Variants in MMEL1 observed in about 807,000 individuals in gnomAD.
MMEL1 encodes membrane metalloendopeptidase like 1, also known as membrane metallo-endopeptidase-like 1.
MMEL1 carries 98 observed loss-of-function variants against 117.1 expected under a neutral mutation model. The observed-to-expected ratio is 0.84, with a 90% confidence interval of 0.71 to 0.99. The LOEUF (loss-of-function observed/expected upper bound fraction) is 0.99. Among genes scored for constraint, MMEL1 ranks in the 50% least tolerant of loss-of-function variants. The pLI is 0.00. For synonymous variants in MMEL1, 390 were observed against 415.1 expected, an observed-to-expected ratio of 0.94 and a Z score of 0.74; for missense variants, 1,014 against 1,049.1, an observed-to-expected ratio of 0.97 and a Z score of 0.46.
At position 2,611,993 on chromosome 1, in the gene MMEL1, C is replaced by T. The variant is rs1230193805; in HGVS notation, c.232+134G>A. ...CCCAGCTGAGGTCCCTGCCACTGTC[C>T]TCTCCCCATGGCCCTCCTCCGGCAC... On this transcript the variant is annotated intron_variant, in intron 3 of 23. Coordinates refer to ENST00000378412, the MANE Select transcript of MMEL1 (RefSeq NM_033467.4). The T allele has an allele frequency of 7.8e-6, 6 of 773,352 alleles. No homozygotes were observed. In the East Asian group the frequency reaches 1.3e-4, roughly 17 times the overall value. The allele number at this position is 773,352 out of a possible 1,614,324, so 47.9% of individuals were successfully genotyped here. A position where few individuals can be genotyped will look rare whatever the true frequency, so the allele number is the denominator to read the frequency against.
intron 1 of MMEL1, among the ~76,000 whole-genome samples, chr1:2,632,294 A>AG (rs1306729096): frequency 1.3e-5 from 2 of 152,208 alleles, no homozygotes; most frequent in Non-Finnish European, 2.9e-5. Flanking sequence ...CTCCACGGGC[A>AG]GGGGCACCCT....
At chr1:2,603,816 G>T in intron 11 of MMEL1, 68 bp downstream of exon 11, 1 of 1,443,268 alleles carries the variant, frequency 6.9e-7, no homozygotes, top group Non-Finnish European at 9.6e-7. Flanking sequence ...CCTCTCAGAG[G>T]GCCGCTTCCA....
chr1:2,591,995 C>T lies in MMEL1; in HGVS notation c.2100G>A (p.Lys700=). Residue 700 remains lysine, a synonymous_variant, in exon 22 of 24, where the codon AAG becomes AAA. Transcript: ENST00000378412. ...AYLKWMAEGG[K]DQQLPGLDLT... is the part of the protein sequence containing the mutation. ...GATCCAGGCCGGGCAGCTGCTGGTC[C>T]TTGCCACCCTCTGCCATCCACTTGA... is the stretch of plus-strand genomic sequence containing the variant. The T allele has an allele frequency of 6.2e-7, 1 of 1,613,304 alleles. No homozygotes were observed. The highest frequency in any genetic ancestry group is 8.5e-7 in the Non-Finnish European group (1 of 1,179,840).
In MMEL1 at chr1:2,595,180, A is replaced by C; in HGVS notation, c.1584+96T>G. 1 of 1,122,826 alleles carries C rather than the reference A, an allele frequency of 8.9e-7. No individual in the cohort carries two copies. Among genetic ancestry groups the C allele is most frequent in the Non-Finnish European group, 1.3e-6 (1 of 763,952 alleles). The allele number at this position is 1,122,826 out of a possible 1,614,324, so 69.6% of individuals were successfully genotyped here. A position where few individuals can be genotyped will look rare whatever the true frequency, so the allele number is the denominator to read the frequency against. On this transcript the variant is annotated intron_variant, in intron 16 of 23. Transcript: ENST00000378412. The surrounding 1 kb of genome is among the most constrained non-coding windows in gnomAD (Gnocchi z 4.8). ...GAGGACAGCTGTGTTAGCGCCTGGG[A>C]GGAGGGCACAGAGCTTGGCACAGAG...
At chr1:2,616,367 A>C (rs1645200512) in intron 2 of MMEL1, among the ~76,000 whole-genome samples, 1 of 150,828 alleles carries the variant, frequency 6.6e-6, no homozygotes, top group African/African-American at 2.4e-5. Context: ...AAAAGCAGAC[A>C]AAAAAAGACA....
At chr1:2,592,753 G>C in intron 20 of MMEL1, 33 bp from the exon 21 acceptor site, 1 of 1,610,000 alleles carries the variant, frequency 6.2e-7, no homozygotes, top group Non-Finnish European at 8.5e-7. Context: ...GGGCAGCCCC[G>C]GCCCTGACTT....
At chr1:2,591,121 T>C (rs371507024) in intron 23 of MMEL1, 32 bp from the exon 24 acceptor site, 202 of 1,470,368 alleles carry the variant, frequency 1.4e-4, no homozygotes, top group Non-Finnish European at 1.5e-4. Flanking sequence ...AGCAGGAGCA[T>C]TGCCATCTTG....
intron 13 of MMEL1, among the ~76,000 whole-genome samples, chr1:2,597,476 C>T (rs1267660160): frequency 1.3e-5 from 2 of 152,104 alleles, no homozygotes; most frequent in Admixed American, 6.5e-5. Flanking sequence ...GCCCCTATAC[C>T]CAATCCCTCA....
intron 19 of MMEL1, 85 bp from the exon 20 acceptor site, chr1:2,593,051 C>T (rs900654338): frequency 5.5e-5 from 84 of 1,522,752 alleles, no homozygotes; most frequent in Non-Finnish European, 7.2e-5. Flanking sequence ...CTGGCCGCTC[C>T]TGCCCCTCCT....
intron 4 of MMEL1, 129 bp downstream of exon 4, chr1:2,611,136 GCGAGTCCGAGTCCGGC>G: frequency 6.5e-6 from 5 of 764,130 alleles, no homozygotes; most frequent in Non-Finnish European, 1.0e-5. Context: ...CCGCTCCACA[GCGAGTCCGAGTCCGGC>G]CCACCCGGCT....
In MMEL1 at chr1:2,598,281, C is replaced by G. The variant is rs1159690192; in HGVS notation, c.1198G>C (p.Val400Leu). The change falls in exon 13 of 24, where the codon GTC becomes CTC. Residue 400 changes from valine to leucine, a missense_variant. Coordinates refer to ENST00000378412, the MANE Select transcript of MMEL1 (RefSeq NM_033467.4). Reference sequence around the variant, plus strand: ...ATGCGGTCCAGCACCAGGCGCCAGACCAGGTAGTTCTGTATGGTCCTGGGG... The same window carrying G: ...ATGCGGTCCAGCACCAGGCGCCAGAGCAGGTAGTTCTGTATGGTCCTGGGG... ...YSARTIQNYL[V>L]WRLVLDRIGS... 6.2e-7 allele frequency: 1 copy of G among 1,614,076 alleles called. No individual in the cohort carries two copies. The highest frequency in any genetic ancestry group is 8.5e-7 in the Non-Finnish European group (1 of 1,179,998).
intron 18 of MMEL1, 72 bp downstream of exon 18, chr1:2,594,313 A>AG: frequency 1.4e-6 from 2 of 1,448,470 alleles, no homozygotes; most frequent in Non-Finnish European, 1.9e-6. Flanking sequence ...AGGGATGGGC[A>AG]GGGGGCTGCA....
intron 6 of MMEL1, among the ~76,000 whole-genome samples, chr1:2,608,483 GCA>G (rs1157347467): frequency 2.0e-5 from 3 of 151,354 alleles, no homozygotes; most frequent in Non-Finnish European, 4.4e-5. Flanking sequence ...CACACATACA[GCA>G]CACACATAAC....
At chr1:2,632,154 G>T (rs1638622635) in intron 1 of MMEL1, among the ~76,000 whole-genome samples, 1 of 151,468 alleles carries the variant, frequency 6.6e-6, no homozygotes, top group South Asian at 2.1e-4. Flanking sequence ...TCCCAGTGGG[G>T]CCTTCCTTGG....
chr1:2,609,515 GC>G (rs987430983), intron 5 of MMEL1, 96 bp from the exon 6 acceptor site: 10 of 1,509,734 alleles, frequency 6.6e-6, no homozygotes, highest in African/African-American at 4.1e-5. Context: ...GCGAGAGGCG[GC>G]CCCCCAGCTG....
chr1:2,618,891 A>G (rs897306506), intron 2 of MMEL1, among the ~76,000 whole-genome samples: 14 of 152,232 alleles, frequency 9.2e-5, no homozygotes, highest in African/African-American at 3.1e-4. Context: ...TCCAGAACGT[A>G]TGGAAGCTGG....
At chr1:2,604,455 G>A (rs1251398079) in intron 9 of MMEL1, among the ~76,000 whole-genome samples, 174 bp from the exon 10 acceptor site, 1 of 152,194 alleles carries the variant, frequency 6.6e-6, no homozygotes, top group Non-Finnish European at 1.5e-5. Flanking sequence ...CGTCTCAGAC[G>A]CGTGACCTGT....
chr1:2,596,793 C>G, intron 13 of MMEL1, 104 bp from the exon 14 acceptor site: 1 of 1,409,770 alleles, frequency 7.1e-7, no homozygotes, highest in Non-Finnish European at 9.7e-7. Context: ...TATCCTCAGC[C>G]TCAGGGTGCC....
At chr1:2,632,832 A>G in intron 1 of MMEL1, 34 bp downstream of exon 1, 1 of 984,540 alleles carries the variant, frequency 1.0e-6, no homozygotes, top group Middle Eastern at 5.2e-4. Context: ...GGCCCAGGAA[A>G]GCAGGCCGGG....
Sources: gnomAD v4.1 joint callset for allele counts (sites outside exome capture counted in the v4.1 genomes callset) on GRCh38, gnomAD v4.1.1 for gene constraint, Gnocchi (gnomAD v3.1) non-coding constraint, MANE v1.5 for transcripts, NCBI Gene and HGNC (gene_info 2026-07-23, HGNC 2026-07-21) for gene names.